Variants in PHF14 observed in about 807,000 individuals in gnomAD.
PHF14 encodes PHD finger protein 14.
Under a neutral mutation model 117.9 loss-of-function variants are expected in PHF14, and 55 were observed. The observed-to-expected ratio is 0.47, with a 90% CI of 0.38 to 0.58. The LOEUF (loss-of-function observed/expected upper bound fraction) is 0.58. Among genes scored for constraint, PHF14 ranks in the 20% least tolerant of loss-of-function variants. The pLI is 0.00. For synonymous variants in PHF14, 409 were observed against 368.6 expected (o/e 1.11, Z -1.26); for missense variants, 978 against 1,122.2 (o/e 0.87, Z 1.84).
At chr7:10,991,590 G>A (rs1259707215) in intron 4 of PHF14, among the ~76,000 whole-genome samples, 3 of 151,748 alleles carry the variant, frequency 2.0e-5, no homozygotes, top group Admixed American at 1.3e-4. Flanking sequence ...GATTACAGGC[G>A]TAAGCCACCG....
At chr7:11,023,542 G>A (rs115655533) in intron 6 of PHF14, among the ~76,000 whole-genome samples, 1,951 of 152,252 alleles carry the variant, frequency 0.013, 45 homozygotes, top group East Asian at 0.1. Context: ...TTGAAATTTG[G>A]CCAATTAGGG....
At chr7:10,986,875 A>G (rs1442157233) in intron 3 of PHF14, among the ~76,000 whole-genome samples, 1 of 152,198 alleles carries the variant, frequency 6.6e-6, no homozygotes, top group Non-Finnish European at 1.5e-5. Context: ...TTGTTTTGTA[A>G]AAGAAAGAAG....
chr7:11,056,018 T>G (rs886745265), intron 14 of PHF14, among the ~76,000 whole-genome samples: 1 of 152,184 alleles, frequency 6.6e-6, no homozygotes, highest in African/African-American at 2.4e-5. Flanking sequence ...ACCAGAGTTT[T>G]CTATTATCAG....
intron 4 of PHF14, among the ~76,000 whole-genome samples, chr7:10,995,971 C>T (rs1184978547): frequency 1.3e-5 from 2 of 152,242 alleles, no homozygotes. Flanking sequence ...GAGAGGGGCT[C>T]CCACAGTGCA....
intron 16 of PHF14, among the ~76,000 whole-genome samples, chr7:11,095,112 A>G (rs1481360726): frequency 6.6e-6 from 1 of 152,194 alleles, no homozygotes; most frequent in Non-Finnish European, 1.5e-5. Context: ...AAACTAGAAC[A>G]AATTGTAGTG....
intron 3 of PHF14, among the ~76,000 whole-genome samples, chr7:10,985,639 T>G (rs796923913): frequency 0.02 from 302 of 15,366 alleles, 2 homozygotes; most frequent in African/African-American, 0.066. Context: ...TCTCAAACTG[T>G]TTTTTTTTTT....
In PHF14 at chr7:11,060,630, G is replaced by C. The variant is rs1159256253; in HGVS notation, c.2482-1161G>C. Among the ~76,000 whole-genome samples, 3 of 152,178 alleles carry C rather than the reference G, an allele frequency of 2.0e-5. 1 individual carries two copies. Among genetic ancestry groups the C allele is most frequent in the East Asian group, 3.8e-4 (2 of 5,198 alleles). On this transcript the variant is annotated intron_variant, in intron 14 of 17. Transcript: ENST00000634607. ...GGTGATGCCAGTGCTTATGGGTCATGATTGACACCTTGAGAAGCAAGTCTC... is the reference window on the plus strand; with the variant it reads ...GGTGATGCCAGTGCTTATGGGTCATCATTGACACCTTGAGAAGCAAGTCTC...
intron 16 of PHF14, among the ~76,000 whole-genome samples, chr7:11,082,028 A>C (rs750838976): frequency 6.6e-6 from 1 of 152,166 alleles, no homozygotes; most frequent in South Asian, 2.1e-4. Flanking sequence ...AAGACTCTGG[A>C]TATTAGATAT....
At chr7:11,005,824 C>T (rs539102170) in intron 4 of PHF14, among the ~76,000 whole-genome samples, 16 of 116,518 alleles carry the variant, frequency 1.4e-4, no homozygotes, top group Non-Finnish European at 1.6e-4. Flanking sequence ...GACGGAGTCT[C>T]GTTCTTTCAC....
At chr7:11,166,842 TG>T (rs1228575644) in intron 17 of PHF14, among the ~76,000 whole-genome samples, 5 of 152,144 alleles carry the variant, frequency 3.3e-5, no homozygotes, top group Admixed American at 3.3e-4. Context: ...AAGAAAGGTG[TG>T]AAACAGTTAT....
At chr7:11,111,634 A>G (rs537319025) in intron 17 of PHF14, among the ~76,000 whole-genome samples, 167 bp downstream of exon 17, 1 of 152,236 alleles carries the variant, frequency 6.6e-6, no homozygotes, top group South Asian at 2.1e-4. Flanking sequence ...CTCTTAAATT[A>G]AGGAAAAAAC....
At chr7:11,107,096 G>A in intron 16 of PHF14, 9 of 983,096 alleles carry the variant, frequency 9.2e-6, no homozygotes, top group Non-Finnish European at 1.1e-5. Flanking sequence ...AGTAGTTGTA[G>A]TTTACTCCTC....
At chr7:11,018,812 C>T (rs1783621941) in intron 5 of PHF14, among the ~76,000 whole-genome samples, 1 of 152,096 alleles carries the variant, frequency 6.6e-6, no homozygotes, top group Non-Finnish European at 1.5e-5. Flanking sequence ...GCCTGCTTGT[C>T]GTGTTCCAGA....
intron 16 of PHF14, chr7:11,109,135 A>G (rs921891841): frequency 2.0e-5 from 3 of 151,840 alleles, no homozygotes; most frequent in Non-Finnish European, 4.4e-5. Flanking sequence ...GTCAGTTTAC[A>G]TAGCCTCAGT....
At chr7:10,997,671 ATAG>A (rs1782708100) in intron 4 of PHF14, among the ~76,000 whole-genome samples, 1 of 152,156 alleles carries the variant, frequency 6.6e-6, no homozygotes, top group Non-Finnish European at 1.5e-5. Flanking sequence ...GCTAAGTCAA[ATAG>A]TTGTTGGTAG....
chr7:11,027,312 T>A (rs183944469), intron 6 of PHF14, among the ~76,000 whole-genome samples: 2 of 152,208 alleles, frequency 1.3e-5, no homozygotes, highest in African/African-American at 4.8e-5. Context: ...GAAATTATAT[T>A]AACTAGGCAG....
At chr7:10,983,542 T>C (rs17163872) in intron 3 of PHF14, among the ~76,000 whole-genome samples, 2,184 of 152,298 alleles carry the variant, frequency 0.014, 51 homozygotes, top group East Asian at 0.11. Flanking sequence ...AACTTAGTTG[T>C]GTCCATATCC....
At chr7:11,114,653 T>C (rs1038830397) in intron 17 of PHF14, among the ~76,000 whole-genome samples, 1 of 152,154 alleles carries the variant, frequency 6.6e-6, no homozygotes, top group South Asian at 2.1e-4. Context: ...TCATCAACTC[T>C]TCATAAACCT....
chr7:11,139,667 G>A (rs1788344783), intron 17 of PHF14, among the ~76,000 whole-genome samples: 1 of 152,188 alleles, frequency 6.6e-6, no homozygotes, highest in Non-Finnish European at 1.5e-5. Flanking sequence ...TAAAAGGGAA[G>A]TCAAGTGTGT....
Sources: allele counts gnomAD v4.1 joint callset (sites outside exome capture counted in the v4.1 genomes callset), GRCh38; gene constraint gnomAD v4.1.1; transcripts MANE v1.5; gene names NCBI Gene and HGNC (gene_info 2026-07-23, HGNC 2026-07-21).